LRP1B: variants seen among roughly 807,000 people sequenced by gnomAD.
LRP1B encodes low-density lipoprotein receptor-related protein 1B.
Under a neutral mutation model 556.6 loss-of-function variants are expected in LRP1B, and 217 were observed. The observed-to-expected ratio is 0.39, with a 90% confidence interval of 0.35 to 0.44. The LOEUF is 0.44. Ranked by LOEUF, LRP1B falls within the 20% of genes least tolerant of loss-of-function variation. The pLI is 1.00. For missense variants in LRP1B, 5,053 were observed against 5,620.8 expected (o/e 0.90, Z 3.23); for synonymous variants, 2,047 against 1,865.8 (o/e 1.10, Z -2.50).
chr2:141,712,157 A>G (rs1692384671), intron 2 of LRP1B, among the ~76,000 whole-genome samples: 1 of 152,178 alleles, frequency 6.6e-6, no homozygotes, highest in Non-Finnish European at 1.5e-5. Flanking sequence ...TAATATGACA[A>G]TTAACTTTCC....
intron 20 of LRP1B, among the ~76,000 whole-genome samples, chr2:140,943,296 A>T (rs910029148): frequency 6.6e-6 from 1 of 151,996 alleles, no homozygotes; most frequent in South Asian, 2.1e-4. Context: ...GTAGGAAAAG[A>T]CTTAGACAGC....
At chr2:141,414,005 C>G (rs1164048978) in intron 3 of LRP1B, among the ~76,000 whole-genome samples, 1 of 151,896 alleles carries the variant, frequency 6.6e-6, no homozygotes, top group Non-Finnish European at 1.5e-5. Flanking sequence ...CTGAGGTGGG[C>G]GCATCACGAG....
chr2:141,667,406 A>G (rs967594766), intron 2 of LRP1B, among the ~76,000 whole-genome samples: 3 of 152,176 alleles, frequency 2.0e-5, no homozygotes, highest in African/African-American at 7.2e-5. Context: ...AAGAAAATAT[A>G]CCACTTCCAT....
intron 4 of LRP1B, 56 bp from the exon 5 acceptor site, chr2:141,247,410 T>TC (rs1295221761): frequency 8.8e-6 from 14 of 1,584,600 alleles, no homozygotes; most frequent in Non-Finnish European, 1.2e-5. Flanking sequence ...CACTTTTTTT[T>TC]CTCCTTGAAG....
intron 2 of LRP1B, among the ~76,000 whole-genome samples, chr2:141,773,888 A>T (rs191021299): frequency 6.6e-6 from 1 of 152,350 alleles, no homozygotes; most frequent in Non-Finnish European, 1.5e-5. Context: ...AAGTAGCTTA[A>T]ACTTTGCTGC....
At chr2:141,131,095 G>A (rs1701338264) in intron 7 of LRP1B, among the ~76,000 whole-genome samples, 1 of 151,998 alleles carries the variant, frequency 6.6e-6, no homozygotes, top group Non-Finnish European at 1.5e-5. Flanking sequence ...AAGTATACCT[G>A]TGTAACAAAC....
intron 41 of LRP1B, among the ~76,000 whole-genome samples, chr2:140,617,851 T>C (rs1459243469): frequency 3.9e-5 from 6 of 151,996 alleles, no homozygotes; most frequent in Admixed American, 3.9e-4. Flanking sequence ...ATTAGGAAAA[T>C]TTTAAAAACT....
chr2:140,784,872 G>A lies in LRP1B; in HGVS notation c.5360-8634C>T, dbSNP rs559912380. On this transcript the variant is annotated intron_variant, in intron 32 of 90. Transcript: ENST00000389484. The stretch of plus-strand genomic sequence containing the variant: ...CAGAAAATGAAAGTTCACCCTCTAA[G>A]TTATACGATCTTAAGAGATAGTTGT... Among the ~76,000 whole-genome samples the A allele has an allele frequency of 5.3e-5, 8 of 152,036 alleles. No individual in the cohort carries two copies. In the East Asian group the frequency reaches 1.6e-3, roughly 30 times the overall value.
At chr2:141,429,685 A>G (rs1680494643) in intron 3 of LRP1B, among the ~76,000 whole-genome samples, 1 of 151,856 alleles carries the variant, frequency 6.6e-6, no homozygotes, top group South Asian at 2.1e-4. Flanking sequence ...TGTTCCTCCC[A>G]TTGTGTCCAT....
intron 3 of LRP1B, among the ~76,000 whole-genome samples, chr2:141,391,688 A>C (rs1215080860): frequency 6.6e-6 from 1 of 152,182 alleles, no homozygotes. Flanking sequence ...GGATTAGAGG[A>C]AAGAGAAACT....
At chr2:141,700,223 T>C (rs1469018483) in intron 2 of LRP1B, among the ~76,000 whole-genome samples, 4 of 151,782 alleles carry the variant, frequency 2.6e-5, no homozygotes, top group African/African-American at 9.7e-5. Context: ...TTCGACATTA[T>C]TGTAACGTTC....
chr2:141,791,208 G>T (rs569260323), intron 2 of LRP1B, among the ~76,000 whole-genome samples: 1 of 152,030 alleles, frequency 6.6e-6, no homozygotes, highest in African/African-American at 2.4e-5. Context: ...ATAGTAAAAA[G>T]AGAGAATTGC....
At chr2:140,664,710 T>G (rs995332339) in intron 41 of LRP1B, among the ~76,000 whole-genome samples, 4 of 152,030 alleles carry the variant, frequency 2.6e-5, no homozygotes, top group Non-Finnish European at 4.4e-5. Context: ...CTATTTTTGT[T>G]CATCTCTATG....
At chr2:140,716,504 T>C (rs150286104) in intron 36 of LRP1B, among the ~76,000 whole-genome samples, 178 bp downstream of exon 36, 6 of 152,148 alleles carry the variant, frequency 3.9e-5, no homozygotes, top group Non-Finnish European at 8.8e-5. Flanking sequence ...AAAAAACTTA[T>C]CCAAAGGCTC....
chr2:141,276,609 G>A (rs966004441), intron 3 of LRP1B, among the ~76,000 whole-genome samples: 1 of 151,030 alleles, frequency 6.6e-6, no homozygotes, highest in African/African-American at 2.4e-5. Flanking sequence ...CATCCATGTT[G>A]ATGCAAAGGA....
Position 140,536,564 on chromosome 2 carries a change from C to T in LRP1B, c.7642+17G>A, listed in dbSNP as rs763357619. ...AAAACTTTATCTGAAACGAGCAAAC[C>T]CATATTGGACACTTACCACAGTAGA... On this transcript the variant is annotated intron_variant, in intron 46 of 90. Transcript: ENST00000389484. The T allele has an allele frequency of 7.5e-6, 12 of 1,593,814 alleles. No homozygotes were observed. Among genetic ancestry groups the T allele is most frequent in the Non-Finnish European group, 4.3e-6 (5 of 1,173,434 alleles).
chr2:141,144,641 T>C (rs1039896174), intron 7 of LRP1B, among the ~76,000 whole-genome samples: 1 of 152,190 alleles, frequency 6.6e-6, no homozygotes. Flanking sequence ...AAGATCATTA[T>C]TAAGTCACCC....
At chr2:140,970,739 T>TGAGAGAGGG in intron 18 of LRP1B, among the ~76,000 whole-genome samples, 1 of 25,738 alleles carries the variant, frequency 3.9e-5, no homozygotes, top group Non-Finnish European at 1.2e-4. Context: ...TTTTTTTTTT[T>TGAGAGAGGG]TTTTTTTTTT....
At chr2:140,248,061 T>A (rs1681244941) in intron 86 of LRP1B, among the ~76,000 whole-genome samples, 1 of 151,530 alleles carries the variant, frequency 6.6e-6, no homozygotes. Flanking sequence ...CCATTCCAAG[T>A]GGAACTCTGG....
Sources: allele counts gnomAD v4.1 joint callset (sites outside exome capture counted in the v4.1 genomes callset), GRCh38; gene constraint gnomAD v4.1.1; transcripts MANE v1.5; gene names NCBI Gene and HGNC (gene_info 2026-07-23, HGNC 2026-07-21).